Variants in NEBL observed in about 807,000 individuals in gnomAD.
The protein encoded by NEBL is LIM and SH3 protein 2.
In NEBL, 122 loss-of-function variants were observed where a neutral mutation model predicts 140.2. The observed-to-expected ratio is 0.87, with a 90% CI of 0.75 to 1.01. NEBL has a LOEUF of 1.01. NEBL is among the 50% of genes least tolerant of loss of function. The pLI is 0.00. For synonymous variants in NEBL, 436 were observed against 398.9 expected (o/e 1.09, Z -1.11); for missense variants, 1,365 against 1,231.3 (o/e 1.11, Z -1.62).
intron 2 of NEBL, among the ~76,000 whole-genome samples, chr10:21,089,129 A>C (rs537427789): frequency 6.6e-5 from 10 of 152,146 alleles, no homozygotes; most frequent in Admixed American, 1.3e-4. Flanking sequence ...ATTAAAGAAG[A>C]AGCAGTGAAA....
At chr10:20,818,343 C>T (rs774971446) in intron 20 of NEBL, among the ~76,000 whole-genome samples, 3 of 152,096 alleles carry the variant, frequency 2.0e-5, no homozygotes, top group Non-Finnish European at 4.4e-5. Context: ...CCTCTGACCT[C>T]CCCAAGACTC....
chr10:20,909,170 A>T (rs1364298657), intron 4 of NEBL, among the ~76,000 whole-genome samples: 1 of 151,844 alleles, frequency 6.6e-6, no homozygotes, highest in Non-Finnish European at 1.5e-5. Context: ...CACTCTTTGC[A>T]TTATTTTAAA....
At chr10:20,852,092 A>T (rs1393000237) in intron 10 of NEBL, among the ~76,000 whole-genome samples, 1 of 152,150 alleles carries the variant, frequency 6.6e-6, no homozygotes, top group Non-Finnish European at 1.5e-5. Flanking sequence ...AGAATTTCAT[A>T]TTGGAAAAAA....
chr10:21,166,236 A>AAG (rs1840761505), intron 2 of NEBL, among the ~76,000 whole-genome samples: 2 of 121,910 alleles, frequency 1.6e-5, no homozygotes, highest in African/African-American at 8.9e-5. Flanking sequence ...AAAAAAAAAA[A>AAG]AAAAAAAAAG....
chr10:21,037,280 G>T (rs1278423570), intron 2 of NEBL, among the ~76,000 whole-genome samples: 2 of 151,000 alleles, frequency 1.3e-5, no homozygotes, highest in Non-Finnish European at 1.5e-5. Flanking sequence ...AGGGGGTGGG[G>T]AGAGGGAGAG....
At chr10:20,889,516 T>G (rs888825241) in intron 3 of NEBL, among the ~76,000 whole-genome samples, 3 of 152,300 alleles carry the variant, frequency 2.0e-5, no homozygotes, top group Admixed American at 2.0e-4. Context: ...GGAAACAAAA[T>G]AATGGAACTT....
chr10:21,059,974 G>C (rs1835201103), intron 2 of NEBL, among the ~76,000 whole-genome samples: 4 of 152,234 alleles, frequency 2.6e-5, no homozygotes, highest in Admixed American at 2.6e-4. Context: ...TGATACAATA[G>C]CATTGGGGTA....
intron 4 of NEBL, among the ~76,000 whole-genome samples, chr10:20,921,106 C>T (rs1833559610): frequency 6.6e-6 from 1 of 152,090 alleles, no homozygotes; most frequent in Admixed American, 6.6e-5. Flanking sequence ...GAGATAATCA[C>T]CCAGAAAGTG....
intron 3 of NEBL, among the ~76,000 whole-genome samples, chr10:21,239,280 C>T (rs1357012766): frequency 6.6e-6 from 1 of 151,906 alleles, no homozygotes; most frequent in Non-Finnish European, 1.5e-5. Flanking sequence ...TGAAAATGAG[C>T]TTTGGCCTGA....
At chr10:20,803,585 C>A (rs1320010022) in intron 26 of NEBL, among the ~76,000 whole-genome samples, 3 of 151,878 alleles carry the variant, frequency 2.0e-5, no homozygotes, top group Non-Finnish European at 4.4e-5. Flanking sequence ...CATCTTACCC[C>A]TAACTAGTAT....
At chr10:21,179,019 T>A (rs951208667), upstream of NEBL, among the ~76,000 whole-genome samples, 2 of 152,194 alleles carry the variant, frequency 1.3e-5, no homozygotes, top group Admixed American at 1.3e-4. Flanking sequence ...CAGATGTGAT[T>A]AAGTTAAGAA....
chr10:21,174,013 C>G, exon 1 of NEBL: 1 of 1,162,848 alleles, frequency 8.6e-7, no homozygotes, highest in Non-Finnish European at 1.1e-6. Context: ...CGGGGCCTGG[C>G]GCCTGGGGCC....
At chr10:21,150,925 C>A (rs1407962684) in intron 2 of NEBL, among the ~76,000 whole-genome samples, 1 of 152,156 alleles carries the variant, frequency 6.6e-6, no homozygotes, top group Non-Finnish European at 1.5e-5. Flanking sequence ...CAAGGTGGTG[C>A]TCGATGCTCA....
chr10:20,812,546 A>G (rs1027095052), intron 24 of NEBL, among the ~76,000 whole-genome samples: 19 of 151,222 alleles, frequency 1.3e-4, no homozygotes, highest in African/African-American at 4.6e-4. Context: ...TATTAAAGAC[A>G]GAGCTTCCAA....
chr10:20,823,165 T>C (rs759209784), intron 19 of NEBL, 43 bp downstream of exon 19: 8 of 1,391,964 alleles, frequency 5.7e-6, no homozygotes, highest in Non-Finnish European at 6.0e-6. Flanking sequence ...TACGTGTTGA[T>C]ATACAATAAA....
intron 1 of NEBL, among the ~76,000 whole-genome samples, chr10:21,278,932 A>T (rs1842957521): frequency 6.6e-6 from 1 of 152,084 alleles, no homozygotes; most frequent in Non-Finnish European, 1.5e-5. Context: ...TTGTATGTGC[A>T]TGGCACCTCC....
intron 3 of NEBL, among the ~76,000 whole-genome samples, chr10:21,010,213 T>C (rs1429618712): frequency 6.6e-6 from 1 of 152,124 alleles, no homozygotes. Context: ...AATTGAGATA[T>C]ATGGTTTTTG....
intron 3 of NEBL, among the ~76,000 whole-genome samples, chr10:21,225,595 A>G (rs1842134520): frequency 6.6e-6 from 1 of 152,126 alleles, no homozygotes; most frequent in Non-Finnish European, 1.5e-5. Context: ...CACCCAAGCC[A>G]CTAGACAAAG....
chr10:21,223,879 AATT>A (rs1190004748), intron 3 of NEBL, among the ~76,000 whole-genome samples: 13 of 152,166 alleles, frequency 8.5e-5, no homozygotes, highest in African/African-American at 2.9e-4. Context: ...TTTTTAATTG[AATT>A]ATTATATCTT....
Sources: allele counts gnomAD v4.1 joint callset (sites outside exome capture counted in the v4.1 genomes callset), GRCh38; gene constraint gnomAD v4.1.1; transcripts MANE v1.5; gene names NCBI Gene and HGNC (gene_info 2026-07-23, HGNC 2026-07-21).